The following MSI2 variants were observed in gnomAD, a reference collection of about 807,000 sequenced individuals.
MSI2 encodes RNA-binding protein Musashi homolog 2.
A neutral mutation model predicts 45.6 loss-of-function variants in MSI2; 17 were observed. The observed-to-expected ratio is 0.37, with a 90% confidence interval of 0.26 to 0.56. MSI2 has a LOEUF of 0.56. Among genes scored for constraint, MSI2 ranks in the 20% least tolerant of loss-of-function variants. The pLI is 0.77. For synonymous variants in MSI2, 156 were observed against 158.2 expected, an observed-to-expected ratio of 0.99 and a Z score of 0.11; for missense variants, 293 against 444.2, an observed-to-expected ratio of 0.66 and a Z score of 3.06.
intron 7 of MSI2, among the ~76,000 whole-genome samples, chr17:57,583,655 G>A (rs1022206014): frequency 4.6e-5 from 7 of 151,970 alleles, no homozygotes; most frequent in African/African-American, 1.5e-4. Context: ...TTCATTTTTT[G>A]TAGAGATGTG....
At chr17:57,609,335 C>T (rs1276779729) in intron 8 of MSI2, among the ~76,000 whole-genome samples, 4 of 152,196 alleles carry the variant, frequency 2.6e-5, no homozygotes, top group African/African-American at 7.2e-5. Context: ...GCCCTTTCCT[C>T]CCTCTGCTCC....
At chr17:57,329,221 A>G (rs1914059973) in intron 5 of MSI2, among the ~76,000 whole-genome samples, 1 of 152,250 alleles carries the variant, frequency 6.6e-6, no homozygotes, top group Non-Finnish European at 1.5e-5. Flanking sequence ...AAACAGCTCT[A>G]CATTTTGTAG....
chr17:57,574,746 C>T (rs1016832567), intron 7 of MSI2, among the ~76,000 whole-genome samples: 2 of 151,890 alleles, frequency 1.3e-5, no homozygotes, highest in Admixed American at 6.6e-5. Flanking sequence ...TGTGGAGCTT[C>T]GGTTTCATCA....
intron 6 of MSI2, among the ~76,000 whole-genome samples, chr17:57,511,367 A>T (rs2086351120): frequency 6.6e-6 from 1 of 152,200 alleles, no homozygotes; most frequent in Middle Eastern, 3.2e-3. Flanking sequence ...TATATTGAGT[A>T]GCCTCTCCTT....
chr17:57,604,876 C>CT (rs538548771), intron 8 of MSI2, among the ~76,000 whole-genome samples: 1 of 151,272 alleles, frequency 6.6e-6, no homozygotes, highest in Non-Finnish European at 1.5e-5. Flanking sequence ...ATTGGCTCAC[C>CT]CCCCCACTCC....
intron 7 of MSI2, among the ~76,000 whole-genome samples, chr17:57,595,010 G>C (rs1229973321): frequency 6.6e-6 from 1 of 152,180 alleles, no homozygotes; most frequent in Non-Finnish European, 1.5e-5. Flanking sequence ...ACTGGAAATG[G>C]TTTGAGAGCA....
chr17:57,471,716 T>C (rs2586228), intron 6 of MSI2, among the ~76,000 whole-genome samples: 120,081 of 151,658 alleles, frequency 0.79, 47,838 homozygotes, highest in East Asian at 0.91. Context: ...CCACCCCGCC[T>C]GCGTGCTGCC....
chr17:57,516,679 C>T (rs1396609813), intron 6 of MSI2, among the ~76,000 whole-genome samples: 4 of 152,134 alleles, frequency 2.6e-5, no homozygotes, highest in South Asian at 2.1e-4. Context: ...TGCTTTCCTG[C>T]GTGTTGTATC....
chr17:57,456,426 GGT>G (rs2085115913), intron 6 of MSI2, among the ~76,000 whole-genome samples: 1 of 152,150 alleles, frequency 6.6e-6, no homozygotes, highest in South Asian at 2.1e-4. Flanking sequence ...TGGCCAAGAT[GGT>G]GAAACCCTGT....
chr17:57,456,088 C>G (rs915398062), intron 6 of MSI2, among the ~76,000 whole-genome samples: 2 of 152,182 alleles, frequency 1.3e-5, no homozygotes, highest in Non-Finnish European at 2.9e-5. Context: ...TGAGGGACCT[C>G]CGGGCAGCAG....
At chr17:57,538,613 T>C (rs1283691603) in intron 7 of MSI2, among the ~76,000 whole-genome samples, 1 of 152,154 alleles carries the variant, frequency 6.6e-6, no homozygotes, top group Non-Finnish European at 1.5e-5. Context: ...TTCTTCCCCC[T>C]TCCTCCTTAA....
At chr17:57,468,889 A>G (rs2085382387) in intron 6 of MSI2, among the ~76,000 whole-genome samples, 1 of 152,116 alleles carries the variant, frequency 6.6e-6, no homozygotes, top group Non-Finnish European at 1.5e-5. Context: ...CTTGAGACAG[A>G]ATCTTTTCCC....
chr17:57,536,998 A>G (rs77073682), intron 7 of MSI2, among the ~76,000 whole-genome samples: 3 of 152,222 alleles, frequency 2.0e-5, no homozygotes, highest in Non-Finnish European at 2.9e-5. Context: ...GAAACTCAAT[A>G]TGATTGAGTC....
Position 57,256,542 on chromosome 17 carries a change from A to G in MSI2, c.-201A>G. On this transcript the variant is annotated 5_prime_UTR_variant, in exon 1 of 14. Coordinates refer to ENST00000284073, the MANE Select transcript of MSI2 (RefSeq NM_138962.4). ...GGGGGTGTGCGAGGCAGCGGGGCTG[A>G]GCTAAGCCGAGCCCACGTGTGACGG... 1 of 276,728 alleles carries G rather than the reference A, an allele frequency of 3.6e-6. No individual in the cohort carries two copies. Among genetic ancestry groups the G allele is most frequent in the East Asian group, 5.3e-5 (1 of 18,714 alleles). 17.1% of individuals were successfully genotyped at this position (276,728 alleles called of 1,614,324 possible).
At chr17:57,452,468 G>C (rs969878337) in intron 6 of MSI2, among the ~76,000 whole-genome samples, 1 of 152,244 alleles carries the variant, frequency 6.6e-6, no homozygotes, top group Admixed American at 6.5e-5. Context: ...CCCCATGCCA[G>C]GCCAGAGGCC....
At chr17:57,419,818 A>G (rs1210933287) in intron 6 of MSI2, among the ~76,000 whole-genome samples, 1 of 152,156 alleles carries the variant, frequency 6.6e-6, no homozygotes. Flanking sequence ...CATGAATAAC[A>G]TTCTGACCTT....
chr17:57,390,289 G>A, intron 5 of MSI2, among the ~76,000 whole-genome samples: 1 of 152,100 alleles, frequency 6.6e-6, no homozygotes, highest in Non-Finnish European at 1.5e-5. Context: ...CTCTATCCTT[G>A]CCATTTTTCC....
At chr17:57,371,127 G>A (rs769307926) in intron 5 of MSI2, among the ~76,000 whole-genome samples, 3 of 151,782 alleles carry the variant, frequency 2.0e-5, no homozygotes, top group Non-Finnish European at 4.4e-5. Flanking sequence ...TTTCAGCCCC[G>A]TAAAATAGAT....
intron 5 of MSI2, among the ~76,000 whole-genome samples, chr17:57,367,412 A>G (rs1917272817): frequency 6.6e-6 from 1 of 152,164 alleles, no homozygotes; most frequent in African/African-American, 2.4e-5. Flanking sequence ...GCTGAACTGA[A>G]TGAGGTATAT....
Sources: gnomAD v4.1 joint callset for allele counts (sites outside exome capture counted in the v4.1 genomes callset) on GRCh38, gnomAD v4.1.1 for gene constraint, MANE v1.5 for transcripts, NCBI Gene and HGNC (gene_info 2026-07-23, HGNC 2026-07-21) for gene names.